CDH20: variants seen among roughly 807,000 people sequenced by gnomAD.
The protein encoded by CDH20 is cadherin-20.
Under a neutral mutation model 74.2 loss-of-function variants are expected in CDH20, and 29 were observed. The observed-to-expected ratio is 0.39, with a 90% CI of 0.29 to 0.53. The LOEUF is 0.53. Among genes scored for constraint, CDH20 ranks in the 20% least tolerant of loss-of-function variants. The pLI is 0.69. For synonymous variants in CDH20, 469 were observed against 405.4 expected, an observed-to-expected ratio of 1.16 and a Z score of -1.88; for missense variants, 988 against 1,048.3, an observed-to-expected ratio of 0.94 and a Z score of 0.79.
chr18:61,480,149 T>C, intron 1 of CDH20, among the ~76,000 whole-genome samples: 1 of 152,072 alleles, frequency 6.6e-6, no homozygotes, highest in South Asian at 2.1e-4. Context: ...TTGAAAAGAA[T>C]TAGAGGAAAA....
chr18:61,414,155 G>A (rs1468619), intron 1 of CDH20, among the ~76,000 whole-genome samples: 10,510 of 152,114 alleles, frequency 0.069, 480 homozygotes, highest in East Asian at 0.12. Flanking sequence ...ACCAAATGTC[G>A]ATGTGGTTGG....
intron 1 of CDH20, among the ~76,000 whole-genome samples, chr18:61,349,578 G>A (rs1823991286): frequency 6.6e-6 from 1 of 152,120 alleles, no homozygotes; most frequent in Admixed American, 6.6e-5. Context: ...CTCCTACACA[G>A]CACAGTGACA....
chr18:61,514,386 T>C (rs1474974951), intron 6 of CDH20, among the ~76,000 whole-genome samples: 1 of 152,236 alleles, frequency 6.6e-6, no homozygotes, highest in Non-Finnish European at 1.5e-5. Context: ...TTGGTTATTC[T>C]AGTTATACAT....
At chr18:61,422,102 T>C (rs1219218378) in intron 1 of CDH20, among the ~76,000 whole-genome samples, 1 of 152,164 alleles carries the variant, frequency 6.6e-6, no homozygotes, top group African/African-American at 2.4e-5. Context: ...GGGACCTTAA[T>C]GAGGATGGTA....
intron 1 of CDH20, among the ~76,000 whole-genome samples, chr18:61,484,330 A>G (rs1174472526): frequency 6.6e-6 from 1 of 152,208 alleles, no homozygotes; most frequent in Admixed American, 6.5e-5. Flanking sequence ...TAGTTTCATT[A>G]GCTTGATTAA....
chr18:61,348,428 A>T (rs1433493696), intron 1 of CDH20, among the ~76,000 whole-genome samples: 2 of 152,146 alleles, frequency 1.3e-5, no homozygotes, highest in Non-Finnish European at 2.9e-5. Flanking sequence ...ACCAGTTGTT[A>T]TCTTGGGTGT....
chr18:61,340,467 G>T (rs888814309), intron 1 of CDH20, among the ~76,000 whole-genome samples: 1 of 151,680 alleles, frequency 6.6e-6, no homozygotes, highest in Non-Finnish European at 1.5e-5. Flanking sequence ...TTTTTTTGTT[G>T]GTGTTCTTTA....
intron 1 of CDH20, among the ~76,000 whole-genome samples, chr18:61,384,958 T>C (rs1911545722): frequency 6.6e-6 from 1 of 152,132 alleles, no homozygotes; most frequent in Non-Finnish European, 1.5e-5. Flanking sequence ...CCTCCTAGTT[T>C]CCAGGCCCTA....
Position 61,471,375 on chromosome 18 carries a change from G to A in CDH20, c.-152-19027G>A, listed in dbSNP as rs111676496. On this transcript the variant is annotated intron_variant, in intron 1 of 11. Transcript: ENST00000262717. ...AAGAGATAATGTCAGAGTTAGGTCC[G>A]TGACATACCAGAAATTATATCTCCC... 4.1e-3 allele frequency among the ~76,000 whole-genome samples: 630 copies of A among 152,192 alleles called. 5 individuals carry two copies. Among genetic ancestry groups the A allele is most frequent in the African/African-American group, 0.014 (587 of 41,500 alleles).
chr18:61,396,243 A>C (rs1911974288), intron 1 of CDH20, among the ~76,000 whole-genome samples: 1 of 152,176 alleles, frequency 6.6e-6, no homozygotes, highest in African/African-American at 2.4e-5. Context: ...CCTCTCCTGA[A>C]AGAGTATTAG....
intron 10 of CDH20, 76 bp downstream of exon 10, chr18:61,545,220 AAC>A: frequency 1.1e-6 from 1 of 877,450 alleles, no homozygotes; most frequent in South Asian, 1.3e-5. Flanking sequence ...GTCTTATGCA[AAC>A]AGTGTCAAAG....
intron 1 of CDH20, among the ~76,000 whole-genome samples, chr18:61,488,324 C>A (rs925514741): frequency 3.3e-5 from 5 of 152,140 alleles, no homozygotes; most frequent in Admixed American, 3.3e-4. Context: ...ATTATAAGCC[C>A]TTTCAGAATT....
At chr18:61,485,218 T>A (rs1474499719) in intron 1 of CDH20, among the ~76,000 whole-genome samples, 1 of 152,206 alleles carries the variant, frequency 6.6e-6, no homozygotes, top group African/African-American at 2.4e-5. Flanking sequence ...ATTCTTCGAT[T>A]CTCCATACAC....
intron 1 of CDH20, among the ~76,000 whole-genome samples, chr18:61,381,305 T>C (rs1196276194): frequency 6.6e-6 from 1 of 152,210 alleles, no homozygotes; most frequent in Non-Finnish European, 1.5e-5. Context: ...GTACTGTGAA[T>C]TTCTCATTTA....
At chr18:61,510,250 A>C (rs1461559841) in intron 6 of CDH20, among the ~76,000 whole-genome samples, 1 of 152,182 alleles carries the variant, frequency 6.6e-6, no homozygotes, top group Non-Finnish European at 1.5e-5. Flanking sequence ...TGAAGAGGTC[A>C]GGGGAAGTGT....
intron 7 of CDH20, among the ~76,000 whole-genome samples, chr18:61,533,439 C>T (rs1912717254): frequency 6.6e-6 from 1 of 152,154 alleles, no homozygotes; most frequent in Non-Finnish European, 1.5e-5. Flanking sequence ...AGTAAAGTGC[C>T]TGATATTCAG....
intron 1 of CDH20, among the ~76,000 whole-genome samples, chr18:61,349,612 G>A (rs1495796): frequency 0.97 from 147,691 of 152,246 alleles, 71,792 homozygotes; most frequent in Middle Eastern, 1. Flanking sequence ...GGATATCTAC[G>A]GATTCAGCAC....
chr18:61,426,571 A>G (rs1210427738), intron 1 of CDH20, among the ~76,000 whole-genome samples: 1 of 152,180 alleles, frequency 6.6e-6, no homozygotes, highest in East Asian at 1.9e-4. Context: ...TTACAGTTAA[A>G]TCGGTTCCTT....
intron 1 of CDH20, among the ~76,000 whole-genome samples, chr18:61,340,134 A>G (rs1375469360): frequency 6.6e-6 from 1 of 151,970 alleles, no homozygotes; most frequent in East Asian, 1.9e-4. Flanking sequence ...CACCTGGTTT[A>G]TAACTAAAAT....
Sources: allele counts gnomAD v4.1 joint callset (sites outside exome capture counted in the v4.1 genomes callset), GRCh38; gene constraint gnomAD v4.1.1; transcripts MANE v1.5; gene names NCBI Gene and HGNC (gene_info 2026-07-23, HGNC 2026-07-21).